The following PRICKLE2 variants were observed in gnomAD, a reference collection of about 807,000 sequenced individuals.
PRICKLE2 encodes prickle-like protein 2.
PRICKLE2 carries 21 observed loss-of-function variants against 81.4 expected under a neutral mutation model. That is an observed-to-expected ratio of 0.26 (90% CI 0.18 to 0.37). The LOEUF (loss-of-function observed/expected upper bound fraction) is 0.37, where lower values mean the gene tolerates loss of function less well. Ranked by LOEUF, PRICKLE2 falls within the 10% of genes least tolerant of loss-of-function variation. The probability of loss-of-function intolerance (pLI) is 1.00; values close to 1 mark genes in which losing one functional copy is unlikely to be tolerated. For missense variants in PRICKLE2, 940 were observed against 1,109.0 expected (o/e 0.85, Z 2.16); for synonymous variants, 456 against 421.5 (o/e 1.08, Z -1.00).
At chr3:64,259,784 T>C (rs972680454) in intron 2 of PRICKLE2, among the ~76,000 whole-genome samples, 2 of 152,182 alleles carry the variant, frequency 1.3e-5, no homozygotes, top group Non-Finnish European at 1.5e-5. Context: ...GCTGTAACCA[T>C]GGAAAGCCAA....
At position 64,239,952 on chromosome 3, in the gene PRICKLE2, CAAAAAAAAAAAAAA is replaced by C. The variant is rs57932723; in HGVS notation, c.129-40999_129-40986del. ...CAACATGACAAAACCCCATCGCTACCAAAAAAAAAAAAAAAAAAAAAAAAAAAAATTAGCCCAGC... is the reference window on the plus strand; with the variant it reads ...CAACATGACAAAACCCCATCGCTACCAAAAAAAAAAAAAAATTAGCCCAGC... On this transcript the variant is annotated intron_variant, in intron 2 of 8. Coordinates refer to the PRICKLE2 transcript ENST00000295902. Among the ~76,000 whole-genome samples, 5 of 32,240 alleles carry C rather than the reference CAAAAAAAAAAAAAA, an allele frequency of 1.6e-4. No individual in the cohort carries two copies. In the Admixed American group the frequency reaches 2.0e-3, roughly 13 times the overall value. The allele number at this position is 32,240 out of a possible 152,430, so 21.2% of individuals were successfully genotyped here. A position where few individuals can be genotyped will look rare whatever the true frequency, so the allele number is the denominator to read the frequency against.
intron 2 of PRICKLE2, among the ~76,000 whole-genome samples, chr3:64,261,288 A>G (rs1476056064): frequency 6.6e-6 from 1 of 152,184 alleles, no homozygotes; most frequent in Non-Finnish European, 1.5e-5. Context: ...AAAAATTTTT[A>G]ATTTCCTAAT....
intron 2 of PRICKLE2, among the ~76,000 whole-genome samples, chr3:64,238,083 C>G (rs543587176): frequency 6.6e-6 from 1 of 152,268 alleles, no homozygotes; most frequent in South Asian, 2.1e-4. Context: ...CAGGGGAGGA[C>G]CAGACCAAAG....
At chr3:64,150,293 G>T (rs1286786916) in intron 6 of PRICKLE2, among the ~76,000 whole-genome samples, 1 of 152,016 alleles carries the variant, frequency 6.6e-6, no homozygotes, top group Non-Finnish European at 1.5e-5. Context: ...TTCCAGCTGT[G>T]TGACCCTAGG....
chr3:64,168,766 C>T (rs550065285), intron 2 of PRICKLE2, among the ~76,000 whole-genome samples: 103 of 152,288 alleles, frequency 6.8e-4, no homozygotes, highest in African/African-American at 2.3e-3. Context: ...AAAACCAAAT[C>T]ATACCCAGAT....
chr3:64,209,207 T>C (rs2078744943), intron 1 of PRICKLE2, among the ~76,000 whole-genome samples: 2 of 150,634 alleles, frequency 1.3e-5, no homozygotes, highest in Non-Finnish European at 1.5e-5. Context: ...CATAAATACA[T>C]CCATATCTAT....
At chr3:64,226,133 A>G (rs759085384), upstream of PRICKLE2, among the ~76,000 whole-genome samples, 12 of 152,184 alleles carry the variant, frequency 7.9e-5, no homozygotes, top group Non-Finnish European at 1.2e-4. Flanking sequence ...AGACCCTCAG[A>G]GAGCATTGCT....
chr3:64,225,418 T>C lies in PRICKLE2; in HGVS notation c.-549A>G. On this transcript the variant is annotated 5_prime_UTR_variant, in exon 1 of 8. Coordinates refer to ENST00000638394, the MANE Select transcript of PRICKLE2 (RefSeq NM_198859.4). ...GTGCTGCTTGGTCAAAAAATAATAA[T>C]AACTCTCGGTGGCGCTGCTGGTGGT... is the stretch of plus-strand genomic sequence containing the variant. The C allele has an allele frequency of 1.0e-6, 1 of 985,322 alleles. No individual in the cohort carries two copies. The highest frequency in any genetic ancestry group is 1.2e-6 in the Non-Finnish European group (1 of 829,956). 61.0% of individuals were successfully genotyped at this position (985,322 alleles called of 1,614,324 possible).
chr3:64,213,642 G>A (rs2078827821), intron 1 of PRICKLE2, among the ~76,000 whole-genome samples: 1 of 152,132 alleles, frequency 6.6e-6, no homozygotes, highest in Non-Finnish European at 1.5e-5. Context: ...ATTTTCCCCT[G>A]AGCCCAGGGG....
chr3:64,249,214 C>T (rs1431182508), intron 2 of PRICKLE2, among the ~76,000 whole-genome samples: 1 of 152,112 alleles, frequency 6.6e-6, no homozygotes, highest in Non-Finnish European at 1.5e-5. Flanking sequence ...GAAAACCAAG[C>T]ACCTCTTACC....
chr3:64,141,842 T>C (rs1393756337), intron 7 of PRICKLE2: 1 of 985,240 alleles, frequency 1.0e-6, no homozygotes, highest in Non-Finnish European at 1.2e-6. Flanking sequence ...CATAAGTTAC[T>C]GACCATGGAA....
chr3:64,122,585 T>C (rs2077043361), intron 7 of PRICKLE2, among the ~76,000 whole-genome samples: 1 of 152,166 alleles, frequency 6.6e-6, no homozygotes, highest in African/African-American at 2.4e-5. Context: ...CTGCCCTCAC[T>C]TGTGGGTGAC....
At chr3:64,177,587 C>A (rs1472899922) in intron 2 of PRICKLE2, among the ~76,000 whole-genome samples, 1 of 152,180 alleles carries the variant, frequency 6.6e-6, no homozygotes, top group Non-Finnish European at 1.5e-5. Flanking sequence ...CTCCTCCCCT[C>A]AGCCCCTGGT....
In PRICKLE2 at chr3:64,147,435, A is replaced by C. The variant is rs2077475272; in HGVS notation, c.1055T>G (p.Leu352Arg). ...CACTTGCAGCTGGCTGTGCTGGTTC[A>C]GCATGGGCTCCTCCGTCTTGCCCTT... ...KNKGKTEEPM[L>R]NQHSQLQVSS... Residue 352 changes from leucine (L) to arginine (R), a missense_variant, in exon 7 of 8, where the codon CTG becomes CGG. Leu to Arg is a moderately radical substitution (Grantham distance 102). Around this residue, in one of 2 missense-constraint regions of PRICKLE2, gnomAD observed 670 missense variants for 717.2 expected, o/e 0.93. Transcript: ENST00000638394. The surrounding 1 kb of genome is among the most constrained non-coding windows in gnomAD (Gnocchi z 5.0). 6.8e-6 allele frequency: 11 copies of C among 1,614,264 alleles called. No individual in the cohort carries two copies. Among genetic ancestry groups the C allele is most frequent in the Non-Finnish European group, 9.3e-6 (11 of 1,180,054 alleles).
intron 2 of PRICKLE2, among the ~76,000 whole-genome samples, chr3:64,262,093 A>C (rs1265957364): frequency 2.0e-5 from 3 of 152,144 alleles, no homozygotes; most frequent in Admixed American, 2.0e-4. Flanking sequence ...CAATTTTGAA[A>C]AATGCCTATA....
At chr3:64,267,028 A>G (rs1486714609) in intron 2 of PRICKLE2, among the ~76,000 whole-genome samples, 1 of 151,054 alleles carries the variant, frequency 6.6e-6, no homozygotes, top group Non-Finnish European at 1.5e-5. Flanking sequence ...GGGTGGGGGG[A>G]GCTGAAACCT....
intron 7 of PRICKLE2, among the ~76,000 whole-genome samples, chr3:64,120,218 A>C (rs537115094): frequency 6.6e-6 from 1 of 152,368 alleles, no homozygotes; most frequent in African/African-American, 2.4e-5. Context: ...AGTTGAAATT[A>C]TAAGAAAAAG....
intron 2 of PRICKLE2, among the ~76,000 whole-genome samples, chr3:64,175,953 A>G (rs1260884086): frequency 6.6e-6 from 1 of 152,180 alleles, no homozygotes; most frequent in Non-Finnish European, 1.5e-5. Context: ...TATAAAAACC[A>G]TGAAGCACCT....
chr3:64,260,588 A>G (rs532427584), intron 2 of PRICKLE2, among the ~76,000 whole-genome samples: 1 of 152,074 alleles, frequency 6.6e-6, no homozygotes, highest in South Asian at 2.1e-4. Context: ...AAATAAATAA[A>G]CCATGGCTTA....
Sources: gnomAD v4.1 joint callset for allele counts (sites outside exome capture counted in the v4.1 genomes callset) on GRCh38, gnomAD v4.1.1 for gene constraint, gnomAD v4.1.1 regional missense constraint, Gnocchi (gnomAD v3.1) non-coding constraint, MANE v1.5 for transcripts, NCBI Gene and HGNC (gene_info 2026-07-23, HGNC 2026-07-21) for gene names.